CPN1: variants seen among roughly 807,000 people sequenced by gnomAD.
CPN1 encodes carboxypeptidase N subunit 1.
A neutral mutation model predicts 46.4 loss-of-function variants in CPN1; 37 were observed. The ratio of observed to expected loss-of-function variants is 0.80; its 90% confidence interval spans 0.61 to 1.05. The LOEUF (loss-of-function observed/expected upper bound fraction) is 1.05. Ranked by LOEUF, CPN1 falls within the 50% of genes least tolerant of loss-of-function variation. The pLI is 0.00. For synonymous variants in CPN1, 224 were observed against 235.4 expected (o/e 0.95, Z 0.44); for missense variants, 563 against 602.6 (o/e 0.93, Z 0.69).
intron 5 of CPN1, among the ~76,000 whole-genome samples, chr10:100,060,285 G>C (rs978047664): frequency 2.0e-5 from 3 of 152,134 alleles, no homozygotes; most frequent in African/African-American, 7.2e-5. Context: ...AATGAAGCTG[G>C]GCATGGTGGC....
chr10:100,066,659 T>G (rs1589476630), intron 3 of CPN1, among the ~76,000 whole-genome samples: 1 of 152,370 alleles, frequency 6.6e-6, no homozygotes, highest in South Asian at 2.1e-4. Context: ...ATTTACAGTC[T>G]ACAGCATTTT....
chr10:100,054,833 C>CT (rs944226137), intron 6 of CPN1, among the ~76,000 whole-genome samples: 2 of 129,654 alleles, frequency 1.5e-5, no homozygotes, highest in African/African-American at 5.6e-5. Context: ...GTTTTCTTTT[C>CT]TTTCTTTCTT....
intron 2 of CPN1, 100 bp from the exon 3 acceptor site, chr10:100,069,969 C>A: frequency 2.9e-6 from 4 of 1,389,744 alleles, no homozygotes; most frequent in Non-Finnish European, 4.1e-6. Flanking sequence ...GTTGCCCAGG[C>A]TGAAGTGCAG....
intron 1 of CPN1, among the ~76,000 whole-genome samples, chr10:100,080,085 C>CAAAAAAAAAAA (rs34214082): frequency 8.0e-6 from 1 of 124,730 alleles, no homozygotes; most frequent in Non-Finnish European, 1.7e-5. Flanking sequence ...GACTCCATCT[C>CAAAAAAAAAAA]AAAAAAAAAA....
chr10:100,064,446 T>C (rs1442510490), intron 4 of CPN1, among the ~76,000 whole-genome samples: 1 of 151,086 alleles, frequency 6.6e-6, no homozygotes, highest in African/African-American at 2.4e-5. Context: ...AGTGGCACAA[T>C]CTTGGCTCAC....
chr10:100,072,222 C>T (rs2041489874), intron 2 of CPN1, among the ~76,000 whole-genome samples: 3 of 152,084 alleles, frequency 2.0e-5, no homozygotes, highest in African/African-American at 7.2e-5. Flanking sequence ...GTTGCCTAGG[C>T]TGGAGTATAA....
At chr10:100,056,030 G>C (rs2041382844) in intron 6 of CPN1, among the ~76,000 whole-genome samples, 1 of 152,172 alleles carries the variant, frequency 6.6e-6, no homozygotes, top group South Asian at 2.1e-4. Flanking sequence ...GGCATTGCTG[G>C]AGCACATAGG....
At chr10:100,077,002 T>G (rs2041519000) in intron 1 of CPN1, among the ~76,000 whole-genome samples, 1 of 152,188 alleles carries the variant, frequency 6.6e-6, no homozygotes, top group African/African-American at 2.4e-5. Flanking sequence ...AAGAAAATCA[T>G]TCTTGCCCTC....
chr10:100,076,103 T>C lies in CPN1; in HGVS notation c.228A>G (p.Glu76=). Residue 76 remains glutamate, a synonymous_variant, in exon 2 of 9, where the codon GAA becomes GAG. Transcript: ENST00000370418. ...TGTTCCCCACATACTTGACCTCTGG[T>C]TCCACTGCAAGGAAGAGAAAAGATG... ...SDHPGIHEPL[E]PEVKYVGNMH... 1.2e-6 allele frequency: 2 copies of C among 1,614,228 alleles called. No homozygotes were observed. The highest frequency in any genetic ancestry group is 1.7e-6 in the Non-Finnish European group (2 of 1,180,044).
At chr10:100,068,931 T>C (rs893782258) in intron 3 of CPN1, among the ~76,000 whole-genome samples, 1 of 152,244 alleles carries the variant, frequency 6.6e-6, no homozygotes, top group African/African-American at 2.4e-5. Flanking sequence ...CACAGTCTAG[T>C]GTAGTAGAAA....
chr10:100,073,819 T>G (rs771342055), intron 2 of CPN1, among the ~76,000 whole-genome samples: 71 of 152,196 alleles, frequency 4.7e-4, no homozygotes, highest in Admixed American at 3.1e-3. Flanking sequence ...TTCTCCATGT[T>G]GGTCAGGCTG....
intron 7 of CPN1, among the ~76,000 whole-genome samples, chr10:100,051,133 A>G (rs561604715): frequency 2.6e-5 from 4 of 152,338 alleles, no homozygotes; most frequent in Admixed American, 1.3e-4. Context: ...TTGGCTAATG[A>G]CTTTCCATCC....
At chr10:100,049,616 A>G (rs541525743) in intron 7 of CPN1, among the ~76,000 whole-genome samples, 1 of 152,020 alleles carries the variant, frequency 6.6e-6, no homozygotes, top group East Asian at 1.9e-4. Context: ...TATGTTGCCC[A>G]GGCTGGTCTC....
At chr10:100,069,975 T>C in intron 2 of CPN1, 106 bp from the exon 3 acceptor site, 1 of 1,327,998 alleles carries the variant, frequency 7.5e-7, no homozygotes. Context: ...CAGGCTGAAG[T>C]GCAGTGGTAC....
Position 100,069,764 on chromosome 10 carries a change from A to C in CPN1, c.526T>G (p.Tyr176Asp), listed in dbSNP as rs927980143. The C allele has an allele frequency of 6.2e-6, 10 of 1,613,796 alleles. No homozygotes were observed. Among genetic ancestry groups the C allele is most frequent in the Non-Finnish European group, 7.6e-6 (9 of 1,179,990 alleles). The change falls in exon 3 of 9, where the codon TAC becomes GAC. Residue 176 changes from tyrosine to aspartate, a missense_variant. Transcript: ENST00000370418. ...GGCAGGTGGTGGTTGGGGCCTCCGT[A>C]CTTCTCGTTATAGTAGATATAGGTA... Reference protein sequence around the residue: ...LNTYIYYNEKYGGPNHHLPLP... With the variant: ...LNTYIYYNEKDGGPNHHLPLP...
Position 100,063,650 on chromosome 10 carries a change from T to G in CPN1, c.835A>C (p.Ile279Leu). ...WNCGDYFPDG[I>L]TNGASWYSLS... is the part of the protein sequence containing the mutation. ...GAATACCAGGAAGCCCCATTGGTGA[T>G]GCCATCTGGGAAGTAATCTCCGCAG... The change falls in exon 5 of 9, where the codon ATC (isoleucine) becomes CTC (leucine). Residue 279 changes from isoleucine to leucine, a missense_variant. Ile to Leu is a conservative substitution (Grantham distance 5). Transcript: ENST00000370418. 6.2e-7 allele frequency: 1 copy of G among 1,614,074 alleles called. No individual in the cohort carries two copies. Among genetic ancestry groups the G allele is most frequent in the Non-Finnish European group, 8.5e-7 (1 of 1,179,980 alleles).
At position 100,065,205 on chromosome 10, in the gene CPN1, C is replaced by A; in HGVS notation, c.742G>T (p.Asp248Tyr). 1.2e-6 allele frequency: 2 copies of A among 1,613,462 alleles called. No individual in the cohort carries two copies. The highest frequency in any genetic ancestry group is 1.7e-6 in the Non-Finnish European group (2 of 1,179,538). The stretch of plus-strand genomic sequence containing the variant: ...CCACATACCTTCTGGAAGAGCTTGT[C>A]GTCAGGCGTGGGGGTGCTGGCGGTG... ...RRTASTPTPD[D>Y]KLFQKLAKVY... The change falls in exon 4 of 9, where the codon GAC (aspartate) becomes TAC (tyrosine). Residue 248 changes from aspartate (D) to tyrosine (Y), a missense_variant. Transcript: ENST00000370418.
rs1043888792 is a variant in CPN1 at position 100,063,883 on chromosome 10, C to T, written c.760-158G>A. ...AAAATAGGATCAGGGATAGAAACAG[C>T]GTGTGTATGTGTGTGTGTATGTGTG... is the stretch of plus-strand genomic sequence containing the variant. On this transcript the variant is annotated intron_variant, in intron 4 of 8. Coordinates refer to ENST00000370418, the MANE Select transcript of CPN1 (RefSeq NM_001308.3). 4.6e-5 allele frequency among the ~76,000 whole-genome samples: 7 copies of T among 151,712 alleles called. No homozygotes were observed. The South Asian group carries it at 6.2e-4, about 14-fold the overall frequency.
intron 8 of CPN1, among the ~76,000 whole-genome samples, chr10:100,045,338 C>T (rs946366914): frequency 3.3e-5 from 5 of 152,074 alleles, no homozygotes; most frequent in African/African-American, 1.2e-4. Flanking sequence ...AACAGTCATT[C>T]AATTTTAGGA....
Sources: gnomAD v4.1 joint callset for allele counts (sites outside exome capture counted in the v4.1 genomes callset) on GRCh38, gnomAD v4.1.1 for gene constraint, MANE v1.5 for transcripts, NCBI Gene and HGNC (gene_info 2026-07-23, HGNC 2026-07-21) for gene names.